SLC15A5: variants seen among roughly 807,000 people sequenced by gnomAD.
SLC15A5 encodes the protein Peptide/histidine transporter ENSP00000340402.
Under a neutral mutation model 56.1 loss-of-function variants are expected in SLC15A5, and 58 were observed. The observed-to-expected ratio is 1.03, with a 90% CI of 0.84 to 1.29. The LOEUF (loss-of-function observed/expected upper bound fraction) is 1.29. SLC15A5 is among the 50% of genes most tolerant of loss of function. SLC15A5 has a pLI of 0.00. For synonymous variants in SLC15A5, 264 were observed against 250.5 expected (o/e 1.05, Z -0.51); for missense variants, 681 against 672.1 (o/e 1.01, Z -0.15).
At chr12:16,222,447 C>T (rs1327248246) in intron 6 of SLC15A5, among the ~76,000 whole-genome samples, 1 of 150,686 alleles carries the variant, frequency 6.6e-6, no homozygotes, top group Non-Finnish European at 1.5e-5. Context: ...TGATGCTTAC[C>T]CTATCAATGC....
chr12:16,276,940 C>G (rs1305470500), intron 1 of SLC15A5, among the ~76,000 whole-genome samples: 1 of 151,866 alleles, frequency 6.6e-6, no homozygotes, highest in African/African-American at 2.4e-5. Context: ...CTTCAAAAAC[C>G]TTTTTTAGCA....
intron 8 of SLC15A5, among the ~76,000 whole-genome samples, chr12:16,193,882 C>T (rs1278429599): frequency 2.1e-5 from 3 of 142,592 alleles, no homozygotes; most frequent in African/African-American, 5.2e-5. Context: ...GTAGCTGGTA[C>T]ATATTAAGCC....
chr12:16,264,356 G>T (rs1387758784), intron 2 of SLC15A5, among the ~76,000 whole-genome samples: 1 of 152,198 alleles, frequency 6.6e-6, no homozygotes, highest in Non-Finnish European at 1.5e-5. Flanking sequence ...ATTTGGAATG[G>T]CTGTATTTAC....
chr12:16,190,356 G>A (rs970761218), intron 8 of SLC15A5, among the ~76,000 whole-genome samples: 58 of 152,132 alleles, frequency 3.8e-4, no homozygotes, highest in African/African-American at 1.4e-3. Flanking sequence ...GTTTCCAAGA[G>A]ATTAAATAAC....
At chr12:16,190,822 A>G (rs1863832561) in intron 8 of SLC15A5, among the ~76,000 whole-genome samples, 1 of 152,124 alleles carries the variant, frequency 6.6e-6, no homozygotes, top group Non-Finnish European at 1.5e-5. Context: ...GTCACTTTCA[A>G]TAATTCTTAC....
intron 7 of SLC15A5, among the ~76,000 whole-genome samples, chr12:16,213,790 A>G (rs1386849783): frequency 6.6e-6 from 1 of 152,162 alleles, no homozygotes. Context: ...CCCACAACCC[A>G]TCTTGCTAAG....
At chr12:16,260,925 A>G (rs1049526279) in intron 2 of SLC15A5, among the ~76,000 whole-genome samples, 1 of 152,138 alleles carries the variant, frequency 6.6e-6, no homozygotes, top group Admixed American at 6.5e-5. Context: ...TGATCTTTTG[A>G]CACTTTTGTT....
intron 4 of SLC15A5, among the ~76,000 whole-genome samples, chr12:16,242,515 G>A (rs1440781030): frequency 6.6e-6 from 1 of 152,180 alleles, no homozygotes; most frequent in Admixed American, 6.5e-5. Context: ...AGATTTAGGA[G>A]AGTAATAGCC....
At chr12:16,207,222 GAATT>G (rs1864027903) in intron 7 of SLC15A5, among the ~76,000 whole-genome samples, 3 of 152,246 alleles carry the variant, frequency 2.0e-5, no homozygotes, top group African/African-American at 7.2e-5. Flanking sequence ...ATTTGCAACT[GAATT>G]AATAAATCAG....
intron 5 of SLC15A5, among the ~76,000 whole-genome samples, chr12:16,231,472 A>G (rs2136253092): frequency 6.6e-6 from 1 of 152,358 alleles, no homozygotes; most frequent in South Asian, 2.1e-4. Flanking sequence ...GAGAGACTGA[A>G]GAAGCATGAC....
intron 2 of SLC15A5, among the ~76,000 whole-genome samples, chr12:16,266,174 G>T (rs1160637373): frequency 6.6e-6 from 1 of 152,210 alleles, no homozygotes; most frequent in Non-Finnish European, 1.5e-5. Flanking sequence ...GAGTCCCTAG[G>T]CTAAGCCACA....
chr12:16,263,889 G>C (rs1864667129), intron 2 of SLC15A5, among the ~76,000 whole-genome samples: 1 of 152,220 alleles, frequency 6.6e-6, no homozygotes, highest in Non-Finnish European at 1.5e-5. Context: ...GGTTTCAGAA[G>C]ATGTATGGAA....
chr12:16,234,268 C>G (rs1864326334), intron 5 of SLC15A5, among the ~76,000 whole-genome samples: 1 of 152,148 alleles, frequency 6.6e-6, no homozygotes, highest in East Asian at 1.9e-4. Context: ...ACCAACACCT[C>G]CCAATACTGT....
chr12:16,225,498 A>T (rs981234538), intron 5 of SLC15A5, among the ~76,000 whole-genome samples: 1 of 152,250 alleles, frequency 6.6e-6, no homozygotes, highest in Non-Finnish European at 1.5e-5. Context: ...AAAAGAAACT[A>T]TCATCAGAGT....
intron 4 of SLC15A5, among the ~76,000 whole-genome samples, chr12:16,244,362 C>T (rs1301871018): frequency 6.6e-6 from 1 of 152,206 alleles, no homozygotes; most frequent in African/African-American, 2.4e-5. Context: ...TATAGCTCCA[C>T]AAAAGAAACA....
intron 5 of SLC15A5, among the ~76,000 whole-genome samples, chr12:16,225,223 A>G (rs1864229301): frequency 6.6e-6 from 1 of 152,184 alleles, no homozygotes; most frequent in South Asian, 2.1e-4. Context: ...CATGATTTAT[A>G]TTCCTTTGGG....
intron 5 of SLC15A5, among the ~76,000 whole-genome samples, chr12:16,225,239 A>G (rs1387196337): frequency 1.3e-5 from 2 of 152,196 alleles, no homozygotes; most frequent in African/African-American, 4.8e-5. Context: ...TTGGGTATAT[A>G]CCCAGTAATG....
intron 5 of SLC15A5, among the ~76,000 whole-genome samples, chr12:16,238,201 T>C (rs1188704598): frequency 6.6e-6 from 1 of 152,156 alleles, no homozygotes; most frequent in Non-Finnish European, 1.5e-5. Flanking sequence ...ACCCACTCCA[T>C]GATGTGATCT....
chr12:16,256,430 A>G (rs61915938), intron 3 of SLC15A5, among the ~76,000 whole-genome samples: 26,231 of 152,244 alleles, frequency 0.17, 2,510 homozygotes, highest in Non-Finnish European at 0.21. Flanking sequence ...ACCAAAATAA[A>G]ATCTGAATCT....
Sources: allele counts gnomAD v4.1 joint callset (sites outside exome capture counted in the v4.1 genomes callset), GRCh38; gene constraint gnomAD v4.1.1; transcripts MANE v1.5; gene names NCBI Gene and HGNC (gene_info 2026-07-23, HGNC 2026-07-21).